ENTREP2: variants seen among roughly 807,000 people sequenced by gnomAD.
The protein encoded by ENTREP2 is endosomal transmembrane epsin interactor 2.
At chr15:29,297,162 C>T in the ENTREP2 span, among the ~76,000 whole-genome samples, 1 of 152,182 alleles carries the variant, frequency 6.6e-6, no homozygotes, top group Admixed American at 6.5e-5. Flanking sequence ...TCCAGACACT[C>T]AGCCGTATCA....
chr15:29,657,475 T>TGGGGGGTCGG, the ENTREP2 span, among the ~76,000 whole-genome samples: 1 of 3,802 alleles, frequency 2.6e-4, no homozygotes. Flanking sequence ...CGCTGTCGGC[T>TGGGGGGTCGG]GGGGGGGCGG....
chr15:29,654,166 T>G, the ENTREP2 span, among the ~76,000 whole-genome samples: 6 of 152,198 alleles, frequency 3.9e-5, no homozygotes, highest in Admixed American at 3.3e-4. Context: ...ACTGATCAGG[T>G]TTTCTCTAAT....
At chr15:29,426,530 C>T in the ENTREP2 span, among the ~76,000 whole-genome samples, 1 of 152,170 alleles carries the variant, frequency 6.6e-6, no homozygotes, top group Non-Finnish European at 1.5e-5. Flanking sequence ...TAGCTTTTCT[C>T]TCCTAATTTC....
At chr15:29,444,458 CTTT>C in the ENTREP2 span, among the ~76,000 whole-genome samples, 1 of 129,508 alleles carries the variant, frequency 7.7e-6, no homozygotes, top group African/African-American at 2.6e-5. Context: ...CAGCTTCCTT[CTTT>C]TTTTTCTTTT....
the ENTREP2 span, chr15:29,610,792 C>T: frequency 6.6e-6 from 1 of 150,470 alleles, no homozygotes; most frequent in Admixed American, 6.7e-5. Flanking sequence ...CATCTCCCAT[C>T]CCCTATGTGA....
the ENTREP2 span, among the ~76,000 whole-genome samples, chr15:29,582,633 A>ATTTAT: frequency 8.4e-4 from 128 of 152,086 alleles, 1 homozygote; most frequent in South Asian, 0.01. Flanking sequence ...ATAATCCTGA[A>ATTTAT]TTTATTTTAT....
At chr15:29,386,596 G>A in the ENTREP2 span, among the ~76,000 whole-genome samples, 3 of 152,192 alleles carry the variant, frequency 2.0e-5, no homozygotes, top group Non-Finnish European at 2.9e-5. Flanking sequence ...GGGACTAAAT[G>A]TATGTGACCC....
At chr15:29,314,417 A>C in the ENTREP2 span, among the ~76,000 whole-genome samples, 1 of 152,194 alleles carries the variant, frequency 6.6e-6, no homozygotes, top group African/African-American at 2.4e-5. Context: ...ACCACCACCA[A>C]TTAGTCAGCA....
chr15:29,485,962 A>G, the ENTREP2 span, among the ~76,000 whole-genome samples: 2 of 152,228 alleles, frequency 1.3e-5, no homozygotes, highest in African/African-American at 4.8e-5. Context: ...GATTTCTCAA[A>G]AAAGTAAAAA....
the ENTREP2 span, chr15:29,269,417 G>C: frequency 3.1e-6 from 5 of 1,614,134 alleles, no homozygotes; most frequent in Non-Finnish European, 3.4e-6. Context: ...TCTTTAATCA[G>C]CAAGAACTGC....
the ENTREP2 span, among the ~76,000 whole-genome samples, chr15:29,674,116 G>T: frequency 7.9e-6 from 1 of 126,116 alleles, no homozygotes; most frequent in Non-Finnish European, 1.7e-5. Context: ...CCCTTCCCCA[G>T]CCTGCAGAGG....
chr15:29,475,685 G>A, the ENTREP2 span, among the ~76,000 whole-genome samples: 1,365 of 152,300 alleles, frequency 9.0e-3, 15 homozygotes, highest in African/African-American at 0.031. Flanking sequence ...GTCCCTTGAA[G>A]GGCCGTACCA....
At chr15:29,312,040 TAA>T in the ENTREP2 span, among the ~76,000 whole-genome samples, 1 of 152,296 alleles carries the variant, frequency 6.6e-6, no homozygotes, top group East Asian at 1.9e-4. Flanking sequence ...AGGGATAGGA[TAA>T]AGTCATGCCT....
chr15:29,390,871 A>T, the ENTREP2 span, among the ~76,000 whole-genome samples: 1 of 152,228 alleles, frequency 6.6e-6, no homozygotes, highest in Admixed American at 6.5e-5. Context: ...CATGAAACAT[A>T]TGGCAGATGG....
the ENTREP2 span, among the ~76,000 whole-genome samples, chr15:29,597,489 AC>A: frequency 6.6e-6 from 1 of 150,564 alleles, no homozygotes; most frequent in Non-Finnish European, 1.5e-5. Flanking sequence ...AATCGCTTGA[AC>A]CCGGGAGGCG....
At chr15:29,172,447 G>A in the ENTREP2 span, among the ~76,000 whole-genome samples, 13 of 152,034 alleles carry the variant, frequency 8.6e-5, no homozygotes, top group African/African-American at 2.7e-4. Flanking sequence ...GTAATTGTAC[G>A]GGGCTCCAAA....
At chr15:29,131,783 G>A in the ENTREP2 span, among the ~76,000 whole-genome samples, 2 of 146,372 alleles carry the variant, frequency 1.4e-5, no homozygotes, top group South Asian at 2.4e-4. Context: ...CCTCTGGAGG[G>A]CCACCGTCGT....
the ENTREP2 span, among the ~76,000 whole-genome samples, chr15:29,346,724 C>A: frequency 6.6e-6 from 1 of 152,112 alleles, no homozygotes; most frequent in Non-Finnish European, 1.5e-5. Flanking sequence ...TCTGTGTAAA[C>A]CAAGAAGATT....
the ENTREP2 span, among the ~76,000 whole-genome samples, chr15:29,517,142 C>T: frequency 2.0e-5 from 3 of 152,002 alleles, no homozygotes; most frequent in Non-Finnish European, 2.9e-5. Flanking sequence ...GAGGAAATAC[C>T]ACAGGAAGCG....
Sources: gnomAD v4.1 joint callset for allele counts (sites outside exome capture counted in the v4.1 genomes callset) on GRCh38, gnomAD v4.1.1 for gene constraint, MANE v1.5 for transcripts, NCBI Gene and HGNC (gene_info 2026-07-23, HGNC 2026-07-21) for gene names.